Variants in NCAM2 observed in about 807,000 individuals in gnomAD.
NCAM2 encodes the protein neural cell adhesion molecule 2.
A neutral mutation model predicts 98.1 loss-of-function variants in NCAM2; 30 were observed. The observed-to-expected ratio is 0.31, with a 90% confidence interval of 0.23 to 0.41. NCAM2 has a LOEUF of 0.41. Ranked by LOEUF, NCAM2 falls within the 10% of genes least tolerant of loss-of-function variation. NCAM2 has a pLI of 1.00. For synonymous variants in NCAM2, 368 were observed against 342.4 expected (o/e 1.07, Z -0.83); for missense variants, 867 against 1,005.8 (o/e 0.86, Z 1.87).
At chr21:21,359,533 T>A (rs1448291132) in intron 8 of NCAM2, among the ~76,000 whole-genome samples, 3 of 151,970 alleles carry the variant, frequency 2.0e-5, no homozygotes, top group African/African-American at 7.2e-5. Flanking sequence ...ACTATTATTT[T>A]GAAGTCTATA....
At chr21:21,374,469 A>G (rs901629846) in intron 9 of NCAM2, among the ~76,000 whole-genome samples, 1 of 151,900 alleles carries the variant, frequency 6.6e-6, no homozygotes, top group Non-Finnish European at 1.5e-5. Context: ...AAATGTACTA[A>G]TATGCTGTCT....
intron 1 of NCAM2, among the ~76,000 whole-genome samples, chr21:21,234,527 A>G (rs1254187851): frequency 1.3e-5 from 2 of 152,018 alleles, no homozygotes; most frequent in African/African-American, 4.8e-5. Flanking sequence ...GTGTTGAAGT[A>G]TCGATTTATT....
chr21:21,323,446 T>C (rs956321242), intron 5 of NCAM2, among the ~76,000 whole-genome samples: 4 of 152,154 alleles, frequency 2.6e-5, no homozygotes, highest in Non-Finnish European at 5.9e-5. Context: ...TATTTGAGTA[T>C]AATCACACTT....
At chr21:21,496,150 G>C (rs1987218820) in intron 15 of NCAM2, among the ~76,000 whole-genome samples, 1 of 151,750 alleles carries the variant, frequency 6.6e-6, no homozygotes, top group Non-Finnish European at 1.5e-5. Context: ...GGATTACTGG[G>C]TCAAATGGTA....
At chr21:21,169,382 C>T (rs1900186901) in intron 1 of NCAM2, among the ~76,000 whole-genome samples, 2 of 152,100 alleles carry the variant, frequency 1.3e-5, no homozygotes, top group Non-Finnish European at 2.9e-5. Flanking sequence ...CCTTGTGCAT[C>T]ATAATGACAT....
At chr21:21,168,592 C>T (rs374975063) in intron 1 of NCAM2, among the ~76,000 whole-genome samples, 5 of 152,094 alleles carry the variant, frequency 3.3e-5, no homozygotes, top group South Asian at 2.1e-4. Context: ...AATTAATAAG[C>T]AATTATAGCA....
At chr21:21,329,627 T>C (rs2074617904) in intron 6 of NCAM2, among the ~76,000 whole-genome samples, 1 of 152,216 alleles carries the variant, frequency 6.6e-6, no homozygotes, top group African/African-American at 2.4e-5. Flanking sequence ...TATTGTTCCA[T>C]CATTTTCTTG....
chr21:21,112,306 C>G (rs2066469624), intron 1 of NCAM2, among the ~76,000 whole-genome samples: 1 of 152,116 alleles, frequency 6.6e-6, no homozygotes, highest in Non-Finnish European at 1.5e-5. Flanking sequence ...GCATTCTGCT[C>G]TGAATTCTGA....
chr21:21,417,117 T>C (rs1225134674), intron 10 of NCAM2, among the ~76,000 whole-genome samples: 1 of 152,140 alleles, frequency 6.6e-6, no homozygotes, highest in Non-Finnish European at 1.5e-5. Context: ...AATAGTCACA[T>C]TTCTTTGTTG....
intron 1 of NCAM2, among the ~76,000 whole-genome samples, chr21:21,220,182 A>C (rs993214548): frequency 2.0e-5 from 3 of 152,198 alleles, no homozygotes; most frequent in African/African-American, 7.2e-5. Context: ...TAAAGTCTAC[A>C]GTAGTGTATA....
chr21:21,242,498 C>T (rs2071101035), intron 1 of NCAM2, among the ~76,000 whole-genome samples: 1 of 152,134 alleles, frequency 6.6e-6, no homozygotes, highest in Admixed American at 6.5e-5. Context: ...TCCCAATCAC[C>T]TGTGTTTCTA....
At chr21:21,535,116 T>C (rs954841080) in intron 17 of NCAM2, among the ~76,000 whole-genome samples, 1 of 152,120 alleles carries the variant, frequency 6.6e-6, no homozygotes, top group Non-Finnish European at 1.5e-5. Context: ...AATATTAAAG[T>C]GTTTATCATT....
intron 5 of NCAM2, among the ~76,000 whole-genome samples, chr21:21,302,683 G>T (rs941483325): frequency 6.6e-6 from 1 of 152,120 alleles, no homozygotes; most frequent in Admixed American, 6.6e-5. Context: ...ACTGTGGAAA[G>T]CAGTTTGGAG....
intron 1 of NCAM2, among the ~76,000 whole-genome samples, chr21:21,001,519 T>G (rs766767800): frequency 2.0e-5 from 3 of 152,240 alleles, no homozygotes; most frequent in Non-Finnish European, 4.4e-5. Flanking sequence ...CTTCAGTTTC[T>G]GATTAACTGC....
At chr21:21,445,194 G>A (rs116800392) in intron 12 of NCAM2, among the ~76,000 whole-genome samples, 8,213 of 152,218 alleles carry the variant, frequency 0.054, 298 homozygotes, top group African/African-American at 0.087. Flanking sequence ...TGTGGCCTGA[G>A]AGGCTGTTCG....
chr21:21,445,123 G>A (rs1198627979), intron 12 of NCAM2, among the ~76,000 whole-genome samples: 1 of 151,922 alleles, frequency 6.6e-6, no homozygotes, highest in Non-Finnish European at 1.5e-5. Context: ...ATTGTTGAAT[G>A]TCCATTTAAT....
intron 1 of NCAM2, among the ~76,000 whole-genome samples, chr21:21,248,702 G>A (rs1180608009): frequency 2.1e-5 from 3 of 143,664 alleles, no homozygotes; most frequent in East Asian, 2.1e-4. Context: ...GCGTGAACCC[G>A]GGAGGTGGAG....
intron 1 of NCAM2, among the ~76,000 whole-genome samples, chr21:21,089,345 A>G (rs73895336): frequency 0.027 from 4,111 of 152,196 alleles, 166 homozygotes; most frequent in African/African-American, 0.088. Context: ...TTAAAGTATA[A>G]GTGATTATTT....
chr21:21,490,037 C>T (rs1986718283), intron 15 of NCAM2, among the ~76,000 whole-genome samples: 1 of 151,374 alleles, frequency 6.6e-6, no homozygotes, highest in Non-Finnish European at 1.5e-5. Context: ...GTTTAATATC[C>T]ATGCTTTGTT....
Sources: allele counts gnomAD v4.1 joint callset (sites outside exome capture counted in the v4.1 genomes callset), GRCh38; gene constraint gnomAD v4.1.1; transcripts MANE v1.5; gene names NCBI Gene and HGNC (gene_info 2026-07-23, HGNC 2026-07-21).